The following PLCB1 variants were observed in gnomAD, a reference collection of about 807,000 sequenced individuals.
The protein encoded by PLCB1 is 1-phosphatidylinositol 4,5-bisphosphate phosphodiesterase beta-1.
Under a neutral mutation model 161.8 loss-of-function variants are expected in PLCB1, and 46 were observed. That is an observed-to-expected ratio of 0.28 (90% CI 0.22 to 0.36). The LOEUF (loss-of-function observed/expected upper bound fraction) is 0.36. Among genes scored for constraint, PLCB1 ranks in the 10% least tolerant of loss-of-function variants. PLCB1 has a pLI of 1.00. For synonymous variants in PLCB1, 517 were observed against 503.7 expected, an observed-to-expected ratio of 1.03 and a Z score of -0.35; for missense variants, 1,016 against 1,472.5, an observed-to-expected ratio of 0.69 and a Z score of 5.07.
At chr20:8,479,329 T>C (rs1982407973) in intron 3 of PLCB1, among the ~76,000 whole-genome samples, 1 of 152,196 alleles carries the variant, frequency 6.6e-6, no homozygotes, top group African/African-American at 2.4e-5. Context: ...AGCAATAAGA[T>C]AATGCTGAAA....
intron 31 of PLCB1, among the ~76,000 whole-genome samples, chr20:8,843,586 C>T (rs1986584971): frequency 6.6e-6 from 1 of 151,886 alleles, no homozygotes; most frequent in African/African-American, 2.4e-5. Context: ...TATTACTAGA[C>T]TAACACATGT....
chr20:8,306,673 G>T (rs987555182), intron 2 of PLCB1, among the ~76,000 whole-genome samples: 19 of 152,170 alleles, frequency 1.2e-4, no homozygotes, highest in African/African-American at 4.6e-4. Flanking sequence ...AATTATTGTT[G>T]TTTTAATATT....
At chr20:8,792,057 T>A (rs1983783954) in intron 31 of PLCB1, 1 of 152,566 alleles carries the variant, frequency 6.6e-6, no homozygotes, top group African/African-American at 2.4e-5. Context: ...CAGGTATTTT[T>A]AGAATTTCCA....
At chr20:8,690,927 C>T (rs183156584) in intron 10 of PLCB1, among the ~76,000 whole-genome samples, 1 of 152,308 alleles carries the variant, frequency 6.6e-6, no homozygotes, top group African/African-American at 2.4e-5. Context: ...ATGATTTTTG[C>T]AAAGGCAGTC....
intron 4 of PLCB1, among the ~76,000 whole-genome samples, chr20:8,629,778 G>A (rs80303025): frequency 0.16 from 19,596 of 119,318 alleles, 1,711 homozygotes; most frequent in Middle Eastern, 0.24. Flanking sequence ...TGTTGGCCTG[G>A]TTCCTTCCTT....
rs779246597 is a variant in PLCB1, at chr20:8,881,766, C to A, written c.3568C>A (p.Pro1190Thr). The change falls in exon 32 of 32, where the codon CCT becomes ACT. Residue 1190 changes from proline to threonine, a missense_variant. Coordinates refer to ENST00000338037, the MANE Select transcript of PLCB1 (RefSeq NM_015192.4). The stretch of plus-strand genomic sequence containing the variant: ...TGCCCCTCTCTCCCTGTCCTCAGAC[C>A]CTGGAAAAGTGAACCACAAGACTCC... ...GSAPLSLSSD[P>T]GKVNHKTPSS... is the part of the protein sequence containing the mutation. 1.2e-6 allele frequency: 2 copies of A among 1,614,008 alleles called. No individual in the cohort carries two copies. The highest frequency in any genetic ancestry group is 2.2e-5 in the South Asian group (2 of 91,072).
At chr20:8,149,057 G>T (rs923456102) in intron 1 of PLCB1, among the ~76,000 whole-genome samples, 1 of 152,144 alleles carries the variant, frequency 6.6e-6, no homozygotes, top group Non-Finnish European at 1.5e-5. Flanking sequence ...TATTAGAAAA[G>T]AGTAAATGTT....
chr20:8,579,458 A>G (rs1236300833), intron 3 of PLCB1, among the ~76,000 whole-genome samples: 1 of 152,164 alleles, frequency 6.6e-6, no homozygotes. Flanking sequence ...AAGCTAAACA[A>G]CTACTTATTG....
intron 2 of PLCB1, chr20:8,305,609 G>C (rs1984097056): frequency 6.6e-6 from 1 of 152,148 alleles, no homozygotes; most frequent in Non-Finnish European, 1.5e-5. Flanking sequence ...GTAAGGCTCA[G>C]CCCTGCTAGT....
chr20:8,310,814 T>C (rs1283652540), intron 2 of PLCB1, among the ~76,000 whole-genome samples: 1 of 152,166 alleles, frequency 6.6e-6, no homozygotes, highest in Admixed American at 6.5e-5. Context: ...AGTGAGAACA[T>C]GTGATATTGG....
At chr20:8,268,845 T>A (rs566171044) in intron 2 of PLCB1, among the ~76,000 whole-genome samples, 3 of 152,182 alleles carry the variant, frequency 2.0e-5, no homozygotes, top group Non-Finnish European at 4.4e-5. Context: ...GTATTTTTTT[T>A]AAATTCTCAA....
At chr20:8,659,856 A>G (rs1473390073) in intron 9 of PLCB1, among the ~76,000 whole-genome samples, 1 of 152,068 alleles carries the variant, frequency 6.6e-6, no homozygotes, top group East Asian at 1.9e-4. Context: ...GTCTGGCATG[A>G]TGGCGCATGC....
intron 3 of PLCB1, among the ~76,000 whole-genome samples, chr20:8,385,674 A>G (rs1307458985): frequency 1.3e-5 from 2 of 152,202 alleles, no homozygotes; most frequent in East Asian, 3.9e-4. Flanking sequence ...CTTCCGATCC[A>G]TGGGTTGCAC....
At chr20:8,639,818 G>A (rs1346194301) in intron 4 of PLCB1, among the ~76,000 whole-genome samples, 1 of 151,260 alleles carries the variant, frequency 6.6e-6, no homozygotes, top group African/African-American at 2.4e-5. Flanking sequence ...CTAGAACAAG[G>A]ATCTGCAATA....
intron 31 of PLCB1, among the ~76,000 whole-genome samples, chr20:8,812,399 G>A (rs1357956925): frequency 1.3e-5 from 2 of 149,498 alleles, no homozygotes; most frequent in African/African-American, 5.0e-5. Flanking sequence ...GGAAATGGTG[G>A]TGTGAGCGGG....
intron 31 of PLCB1, among the ~76,000 whole-genome samples, chr20:8,835,228 A>T (rs1013647210): frequency 6.6e-6 from 1 of 152,192 alleles, no homozygotes. Flanking sequence ...ACAATGAGGC[A>T]GCAAGTGCAA....
intron 6 of PLCB1, among the ~76,000 whole-genome samples, chr20:8,648,656 T>C (rs968020774): frequency 1.3e-5 from 2 of 152,180 alleles, no homozygotes; most frequent in African/African-American, 4.8e-5. Context: ...ATACACAAAT[T>C]AAGCCAAGCA....
chr20:8,371,373 G>C lies in PLCB1; in HGVS notation c.178-9G>C. The C allele has an allele frequency of 6.2e-7, 1 of 1,605,230 alleles. No individual in the cohort carries two copies. The highest frequency in any genetic ancestry group is 1.1e-5 in the South Asian group (1 of 89,764). ...CGTTGCTTAACGATTTCACGTTTTT[G>C]CCTTCCAGGAGACAGAGCTACTGGA... On this transcript the variant is annotated splice_polypyrimidine_tract_variant and intron_variant, in intron 2 of 31. Transcript: ENST00000338037.
intron 2 of PLCB1, among the ~76,000 whole-genome samples, chr20:8,224,267 A>C (rs911614449): frequency 6.6e-6 from 1 of 152,144 alleles, no homozygotes; most frequent in Non-Finnish European, 1.5e-5. Flanking sequence ...TTTTTCTATA[A>C]ATTAAAAATG....
Sources: gnomAD v4.1 joint callset for allele counts (sites outside exome capture counted in the v4.1 genomes callset) on GRCh38, gnomAD v4.1.1 for gene constraint, MANE v1.5 for transcripts, NCBI Gene and HGNC (gene_info 2026-07-23, HGNC 2026-07-21) for gene names.